EFL1: variants seen among roughly 807,000 people sequenced by gnomAD.
The protein encoded by EFL1 is elongation factor-like GTPase 1.
In EFL1, 76 loss-of-function variants were observed where a neutral mutation model predicts 126.7. That is an observed-to-expected ratio of 0.60 (90% CI 0.50 to 0.73). The LOEUF (loss-of-function observed/expected upper bound fraction) is 0.73. Ranked by LOEUF, EFL1 falls within the 30% of genes least tolerant of loss-of-function variation. EFL1 has a pLI of 0.00. For missense variants in EFL1, 1,128 were observed against 1,343.2 expected (o/e 0.84, Z 2.50); for synonymous variants, 410 against 448.4 (o/e 0.91, Z 1.08).
intron 18 of EFL1, among the ~76,000 whole-genome samples, chr15:82,143,639 C>T (rs771779993): frequency 3.9e-5 from 6 of 152,124 alleles, no homozygotes; most frequent in Non-Finnish European, 8.8e-5. Context: ...CAGTGGGGAA[C>T]GTAGGCTGGT....
intron 15 of EFL1, among the ~76,000 whole-genome samples, chr15:82,173,171 A>G (rs2074155016): frequency 6.6e-6 from 1 of 152,208 alleles, no homozygotes; most frequent in Non-Finnish European, 1.5e-5. Flanking sequence ...ATTATAATGA[A>G]TTCATACAAT....
chr15:82,164,060 A>G (rs2074051738), intron 15 of EFL1, 76 bp from the exon 16 acceptor site: 1 of 1,570,692 alleles, frequency 6.4e-7, no homozygotes, highest in African/African-American at 1.4e-5. Context: ...CAGCAGCATC[A>G]ACCCAGTATA....
intron 7 of EFL1, among the ~76,000 whole-genome samples, chr15:82,235,813 A>G (rs1596000899): frequency 6.6e-6 from 1 of 152,160 alleles, no homozygotes; most frequent in East Asian, 1.9e-4. Flanking sequence ...ACTCCCATCA[A>G]TGTCAGTCAT....
At chr15:82,256,453 TTTTTA>T (rs1567081656) in intron 3 of EFL1, among the ~76,000 whole-genome samples, 1 of 152,134 alleles carries the variant, frequency 6.6e-6, no homozygotes, top group Non-Finnish European at 1.5e-5. Context: ...AAATTCACAC[TTTTTA>T]TTTTTCTTTC....
In EFL1 at chr15:82,214,649, A is replaced by C. The variant is rs572478773; in HGVS notation, c.1750+68T>G. 43 of 1,416,612 alleles carry C rather than the reference A, an allele frequency of 3.0e-5. No homozygotes were observed. In the African/African-American group the frequency reaches 5.9e-4, roughly 19 times the overall value. The allele number at this position is 1,416,612 out of a possible 1,614,324, so 87.8% of individuals were successfully genotyped here. The stretch of plus-strand genomic sequence containing the variant: ...GTTATTCCCTTCAAAAATTTCACTA[A>C]ATTTTCAGTGACATGTTAGATAATC... On this transcript the variant is annotated intron_variant, in intron 15 of 19. Transcript: ENST00000268206.
At chr15:82,148,231 A>G (rs2073869560) in intron 18 of EFL1, among the ~76,000 whole-genome samples, 1 of 152,048 alleles carries the variant, frequency 6.6e-6, no homozygotes, top group Admixed American at 6.6e-5. Context: ...TATAAAAATT[A>G]GCCAGGTGTG....
At chr15:82,184,253 G>T (rs191468806) in intron 15 of EFL1, among the ~76,000 whole-genome samples, 12 of 152,304 alleles carry the variant, frequency 7.9e-5, no homozygotes, top group African/African-American at 1.9e-4. Flanking sequence ...GTAAACAATA[G>T]TCCTGGTACC....
At chr15:82,217,964 A>T (rs2074668806) in intron 14 of EFL1, among the ~76,000 whole-genome samples, 2 of 152,208 alleles carry the variant, frequency 1.3e-5, no homozygotes, top group Admixed American at 6.5e-5. Context: ...GGGCAGCCAA[A>T]GGCCAGAAAA....
intron 14 of EFL1, among the ~76,000 whole-genome samples, chr15:82,218,285 G>A (rs2074672384): frequency 6.6e-6 from 1 of 152,186 alleles, no homozygotes; most frequent in Non-Finnish European, 1.5e-5. Context: ...GGGTTACTTT[G>A]AAGGTAGGTC....
intron 15 of EFL1, among the ~76,000 whole-genome samples, chr15:82,167,189 T>G (rs1567047646): frequency 6.6e-6 from 1 of 152,220 alleles, no homozygotes; most frequent in African/African-American, 2.4e-5. Context: ...AGCAATTTAC[T>G]AGATGCCAAG....
chr15:82,213,383 T>C (rs1595986749), intron 15 of EFL1, among the ~76,000 whole-genome samples: 1 of 152,216 alleles, frequency 6.6e-6, no homozygotes, highest in East Asian at 1.9e-4. Context: ...CCGTACCATA[T>C]GGCAGAGCCA....
At chr15:82,207,012 A>G (rs1282015131) in intron 15 of EFL1, among the ~76,000 whole-genome samples, 1 of 152,090 alleles carries the variant, frequency 6.6e-6, no homozygotes, top group East Asian at 1.9e-4. Context: ...GCTCAATAAT[A>G]TACTTGAAAT....
At chr15:82,249,024 C>T (rs2074997562) in intron 4 of EFL1, among the ~76,000 whole-genome samples, 1 of 152,074 alleles carries the variant, frequency 6.6e-6, no homozygotes, top group African/African-American at 2.4e-5. Context: ...TGTGCATACA[C>T]ATACAACTTG....
At chr15:82,203,429 C>T (rs1308123264) in intron 15 of EFL1, among the ~76,000 whole-genome samples, 5 of 152,132 alleles carry the variant, frequency 3.3e-5, no homozygotes, top group African/African-American at 9.7e-5. Flanking sequence ...AGTGCAGTGG[C>T]GTGTGGCGCA....
intron 10 of EFL1, among the ~76,000 whole-genome samples, chr15:82,227,863 T>A (rs1272038628): frequency 6.6e-6 from 1 of 152,242 alleles, no homozygotes; most frequent in East Asian, 1.9e-4. Context: ...GACCTTGAAA[T>A]GAAACAGTTA....
At chr15:82,258,533 C>T (rs575817156) in intron 3 of EFL1, among the ~76,000 whole-genome samples, 1 of 152,312 alleles carries the variant, frequency 6.6e-6, no homozygotes, top group African/African-American at 2.4e-5. Flanking sequence ...CTAGCCTGGG[C>T]AACAGAGTGA....
At chr15:82,139,669 T>G (rs2073763757) in intron 18 of EFL1, among the ~76,000 whole-genome samples, 1 of 152,248 alleles carries the variant, frequency 6.6e-6, no homozygotes, top group African/African-American at 2.4e-5. Context: ...ATGAAGGACT[T>G]GCTGTAACCA....
At chr15:82,203,860 G>T (rs1435508940) in intron 15 of EFL1, among the ~76,000 whole-genome samples, 2 of 152,066 alleles carry the variant, frequency 1.3e-5, no homozygotes, top group African/African-American at 4.8e-5. Context: ...TTTAGGGTGT[G>T]TCCCTTTTTC....
intron 15 of EFL1, among the ~76,000 whole-genome samples, chr15:82,195,933 C>A (rs545058454): frequency 1.7e-4 from 26 of 152,122 alleles, no homozygotes; most frequent in Non-Finnish European, 2.9e-4. Flanking sequence ...AAAAGAAGTA[C>A]AGGAACTCAA....
Sources: gnomAD v4.1 joint callset for allele counts (sites outside exome capture counted in the v4.1 genomes callset) on GRCh38, gnomAD v4.1.1 for gene constraint, MANE v1.5 for transcripts, NCBI Gene and HGNC (gene_info 2026-07-23, HGNC 2026-07-21) for gene names.